Variants in STAU2 observed in about 807,000 individuals in gnomAD.
STAU2 encodes the protein staufen double-stranded RNA binding protein 2, also known as double-stranded RNA-binding protein Staufen homolog 2.
STAU2 carries 20 observed loss-of-function variants against 65.9 expected under a neutral mutation model. The observed-to-expected ratio is 0.30, with a 90% CI of 0.21 to 0.44. The LOEUF (loss-of-function observed/expected upper bound fraction) is 0.44, where lower values mean the gene tolerates loss of function less well. Ranked by LOEUF, STAU2 falls within the 20% of genes least tolerant of loss-of-function variation. STAU2 has a pLI of 1.00. For missense variants in STAU2, 558 were observed against 683.9 expected (o/e 0.82, Z 2.05); for synonymous variants, 232 against 233.9 (o/e 0.99, Z 0.07).
At chr8:73,429,925 A>C (rs182125449) in intron 13 of STAU2, among the ~76,000 whole-genome samples, 1 of 152,276 alleles carries the variant, frequency 6.6e-6, no homozygotes, top group East Asian at 1.9e-4. Flanking sequence ...TTTTGTGGGG[A>C]GCACACAGTG....
At chr8:73,710,028 C>T (rs1031195711) in intron 3 of STAU2, among the ~76,000 whole-genome samples, 8 of 152,042 alleles carry the variant, frequency 5.3e-5, no homozygotes, top group African/African-American at 1.4e-4. Flanking sequence ...TTTTTATCCA[C>T]TCCTCTACTG....
intron 6 of STAU2, among the ~76,000 whole-genome samples, chr8:73,661,300 C>T (rs983476618): frequency 6.6e-6 from 1 of 152,062 alleles, no homozygotes; most frequent in African/African-American, 2.4e-5. Context: ...CCTCAAACAC[C>T]CTATAAGGTA....
At chr8:73,719,925 G>C (rs191990864) in intron 3 of STAU2, among the ~76,000 whole-genome samples, 1 of 151,852 alleles carries the variant, frequency 6.6e-6, no homozygotes, top group East Asian at 1.9e-4. Flanking sequence ...GAAACTATCC[G>C]GACCTAGAGT....
intron 6 of STAU2, among the ~76,000 whole-genome samples, chr8:73,647,943 A>G (rs1434246588): frequency 6.6e-6 from 1 of 152,216 alleles, no homozygotes. Flanking sequence ...AATGAAACAG[A>G]ACTACAACAC....
intron 6 of STAU2, among the ~76,000 whole-genome samples, chr8:73,632,041 GGAGA>G (rs1324525150): frequency 1.3e-5 from 2 of 151,806 alleles, no homozygotes; most frequent in South Asian, 2.1e-4. Context: ...AGGGAGGAAA[GGAGA>G]GAGAGACAGC....
chr8:73,624,690 C>A (rs1292710902), intron 6 of STAU2, among the ~76,000 whole-genome samples: 1 of 152,174 alleles, frequency 6.6e-6, no homozygotes, highest in Non-Finnish European at 1.5e-5. Context: ...TACCATGCTG[C>A]CTCTGAATGA....
chr8:73,456,176 A>T (rs1819051182), intron 13 of STAU2, among the ~76,000 whole-genome samples: 1 of 152,220 alleles, frequency 6.6e-6, no homozygotes, highest in East Asian at 1.9e-4. Flanking sequence ...AGCATTGTTC[A>T]GTTAAAAACC....
intron 6 of STAU2, among the ~76,000 whole-genome samples, chr8:73,647,035 A>G (rs1815438276): frequency 7.3e-6 from 1 of 137,684 alleles, no homozygotes; most frequent in Admixed American, 7.1e-5. Context: ...ATAATGATAT[A>G]TAACTACACA....
chr8:73,739,664 G>A (rs567431979), intron 2 of STAU2, 92 bp downstream of exon 2: 8 of 1,021,040 alleles, frequency 7.8e-6, no homozygotes, highest in African/African-American at 1.7e-5. Flanking sequence ...TCTAATTACT[G>A]TCACATTTCC....
intron 13 of STAU2, among the ~76,000 whole-genome samples, chr8:73,511,053 C>T (rs1291188959): frequency 6.6e-6 from 1 of 152,234 alleles, no homozygotes; most frequent in East Asian, 1.9e-4. Flanking sequence ...CTCACCAAAG[C>T]GAGGCTGCTC....
chr8:73,653,917 TAAGTTTAGAATC>T (rs1324185267), intron 6 of STAU2: 1 of 442,392 alleles, frequency 2.3e-6, no homozygotes, highest in Non-Finnish European at 4.5e-6. Flanking sequence ...AGGTAAATAT[TAAGTTTAGAATC>T]AAGTTGTATA....
chr8:73,567,852 G>GC (rs1199086121), intron 12 of STAU2, among the ~76,000 whole-genome samples: 1 of 151,982 alleles, frequency 6.6e-6, no homozygotes, highest in Admixed American at 6.6e-5. Flanking sequence ...TTACTCGCTG[G>GC]GGGGGAGGGG....
chr8:73,508,174 T>G (rs1002524256), intron 13 of STAU2, among the ~76,000 whole-genome samples: 3 of 152,220 alleles, frequency 2.0e-5, no homozygotes, highest in African/African-American at 7.2e-5. Context: ...AACTATTTGG[T>G]ACAAGAGGCC....
chr8:73,605,967 C>A (rs998430805), intron 9 of STAU2, among the ~76,000 whole-genome samples: 13 of 141,376 alleles, frequency 9.2e-5, no homozygotes, highest in African/African-American at 3.1e-4. Flanking sequence ...GTGGGGTAGT[C>A]TTTTCAGCCA....
intron 12 of STAU2, among the ~76,000 whole-genome samples, chr8:73,575,419 G>C (rs1323533517): frequency 6.6e-6 from 1 of 152,158 alleles, no homozygotes; most frequent in Non-Finnish European, 1.5e-5. Flanking sequence ...TCTATTGACA[G>C]TACTCTGGCA....
At chr8:73,585,746 A>G (rs1810321699) in intron 11 of STAU2, among the ~76,000 whole-genome samples, 2 of 152,208 alleles carry the variant, frequency 1.3e-5, no homozygotes, top group African/African-American at 2.4e-5. Context: ...AACGAGAAAT[A>G]TAAAAGGAGA....
At chr8:73,653,473 G>A (rs1018686854) in intron 6 of STAU2, 2 of 152,326 alleles carry the variant, frequency 1.3e-5, no homozygotes, top group African/African-American at 4.8e-5. Context: ...TATCCTTAAG[G>A]AGTGTGGTTA....
intron 13 of STAU2, among the ~76,000 whole-genome samples, chr8:73,545,837 C>A (rs1402070888): frequency 1.4e-5 from 2 of 148,026 alleles, no homozygotes; most frequent in Non-Finnish European, 3.0e-5. Flanking sequence ...TTAGTAGAGA[C>A]GGGGTTTCAC....
At chr8:73,745,620 T>C (rs1197674344) in intron 1 of STAU2, among the ~76,000 whole-genome samples, 2 of 152,198 alleles carry the variant, frequency 1.3e-5, no homozygotes, top group Non-Finnish European at 2.9e-5. Flanking sequence ...CAGTAAAATA[T>C]CTTTAAAGGA....
Sources: allele counts gnomAD v4.1 joint callset (sites outside exome capture counted in the v4.1 genomes callset), GRCh38; gene constraint gnomAD v4.1.1; transcripts MANE v1.5; gene names NCBI Gene and HGNC (gene_info 2026-07-23, HGNC 2026-07-21).